CADM2: variants seen among roughly 807,000 people sequenced by gnomAD.
CADM2 encodes the protein immunoglobulin superfamily member 4D.
In CADM2, 12 loss-of-function variants were observed where a neutral mutation model predicts 49.8. The ratio of observed to expected loss-of-function variants is 0.24; its 90% confidence interval spans 0.15 to 0.39. The LOEUF (loss-of-function observed/expected upper bound fraction) is 0.39, where lower values mean the gene tolerates loss of function less well. Among genes scored for constraint, CADM2 ranks in the 10% least tolerant of loss-of-function variants. The pLI, the probability that CADM2 is intolerant of heterozygous loss-of-function variation, is 1.00. For synonymous variants in CADM2, 214 were observed against 175.4 expected, an observed-to-expected ratio of 1.22 and a Z score of -1.74; for missense variants, 378 against 492.3, an observed-to-expected ratio of 0.77 and a Z score of 2.20.
chr3:85,706,534 G>A (rs971212330), intron 1 of CADM2, among the ~76,000 whole-genome samples: 7 of 151,966 alleles, frequency 4.6e-5, no homozygotes, highest in Non-Finnish European at 8.8e-5. Context: ...AATAAAGTTG[G>A]TACCTTTGTA....
intron 8 of CADM2, among the ~76,000 whole-genome samples, chr3:86,062,965 T>C (rs1375864404): frequency 1.3e-5 from 2 of 152,098 alleles, no homozygotes; most frequent in African/African-American, 4.8e-5. Flanking sequence ...AGAACACAAA[T>C]CACTTTGTTT....
intron 1 of CADM2, among the ~76,000 whole-genome samples, chr3:85,307,792 C>G (rs892433573): frequency 2.0e-5 from 3 of 151,458 alleles, no homozygotes; most frequent in African/African-American, 7.3e-5. Flanking sequence ...GATTATTGAG[C>G]TCAAATGAAC....
intron 1 of CADM2, among the ~76,000 whole-genome samples, chr3:85,015,120 T>C (rs751002945): frequency 6.6e-6 from 1 of 152,110 alleles, no homozygotes; most frequent in Non-Finnish European, 1.5e-5. Context: ...TAAGTATATG[T>C]GTGTATATAT....
chr3:85,433,187 A>G (rs562128926), intron 1 of CADM2, among the ~76,000 whole-genome samples: 51 of 152,238 alleles, frequency 3.4e-4, no homozygotes, highest in African/African-American at 1.2e-3. Flanking sequence ...AAAATATTAA[A>G]TATAGAATAT....
intron 6 of CADM2, among the ~76,000 whole-genome samples, chr3:85,932,525 T>A (rs1215654774): frequency 1.3e-5 from 2 of 152,094 alleles, no homozygotes. Context: ...TTCACCCTGA[T>A]CTTAAACATG....
At chr3:85,575,040 T>C (rs776183078) in intron 1 of CADM2, among the ~76,000 whole-genome samples, 1 of 152,078 alleles carries the variant, frequency 6.6e-6, no homozygotes, top group Non-Finnish European at 1.5e-5. Flanking sequence ...TATTTAGGCA[T>C]GTAATAGTTA....
intron 1 of CADM2, among the ~76,000 whole-genome samples, chr3:85,352,294 T>G (rs2031428834): frequency 6.6e-6 from 1 of 152,110 alleles, no homozygotes; most frequent in South Asian, 2.1e-4. Flanking sequence ...ACAAACACAT[T>G]TAGAAAAGGA....
chr3:85,174,428 G>A (rs117614744), intron 1 of CADM2, among the ~76,000 whole-genome samples: 3,204 of 151,644 alleles, frequency 0.021, 103 homozygotes, highest in Admixed American at 0.083. Flanking sequence ...ATTTCCTACC[G>A]CATTAATGTG....
At chr3:85,526,555 G>T (rs951368989) in intron 1 of CADM2, among the ~76,000 whole-genome samples, 9 of 152,158 alleles carry the variant, frequency 5.9e-5, no homozygotes, top group African/African-American at 2.2e-4. Flanking sequence ...TAAAATCCAA[G>T]AATGTATCCC....
rs892430178 is a variant in CADM2, at chr3:86,071,931, CTG to C, written c.*5152_*5153del. The C allele has an allele frequency of 1.3e-5, 2 of 151,806 alleles. No homozygotes were observed. Among genetic ancestry groups the C allele is most frequent in the African/African-American group, 2.4e-5 (1 of 41,372 alleles). 9.4% of individuals were successfully genotyped at this position (151,806 alleles called of 1,614,324 possible). A position where few individuals can be genotyped will look rare whatever the true frequency, so the allele number is the denominator to read the frequency against. ...TGTAACAATTTCTTATAAATTCATG[CTG>C]TGTTTTAAGTAAAAATCATGTATAT... On this transcript the variant is annotated 3_prime_UTR_variant, in exon 10 of 10. Coordinates refer to ENST00000383699, the MANE Select transcript of CADM2 (RefSeq NM_001167675.2).
At chr3:86,023,024 C>T (rs1371789181) in intron 8 of CADM2, among the ~76,000 whole-genome samples, 1 of 152,188 alleles carries the variant, frequency 6.6e-6, no homozygotes, top group South Asian at 2.1e-4. Flanking sequence ...AAAATTATTT[C>T]TCTGGTTGAG....
chr3:85,711,071 A>T (rs1368692543), intron 1 of CADM2, among the ~76,000 whole-genome samples: 2 of 152,144 alleles, frequency 1.3e-5, no homozygotes, highest in Admixed American at 1.3e-4. Flanking sequence ...TTTCATGTAA[A>T]CTGTTGGGAT....
At chr3:85,647,390 G>A (rs2064920268) in intron 1 of CADM2, among the ~76,000 whole-genome samples, 1 of 151,010 alleles carries the variant, frequency 6.6e-6, no homozygotes, top group Non-Finnish European at 1.5e-5. Flanking sequence ...ATTTATACTA[G>A]ATGCCAGGAG....
Position 85,987,340 on chromosome 3 carries a change from A to G in CADM2, c.970+25693A>G, listed in dbSNP as rs564340912. ...ATTTCTTCAGCTTCCATCAATTTAAACAGAAATCTTCATTCTATTAGCTTT... is the reference window on the plus strand; with the variant it reads ...ATTTCTTCAGCTTCCATCAATTTAAGCAGAAATCTTCATTCTATTAGCTTT... On this transcript the variant is annotated intron_variant, in intron 8 of 9. Coordinates refer to ENST00000383699, the MANE Select transcript of CADM2 (RefSeq NM_001167675.2). Among the ~76,000 whole-genome samples the G allele has an allele frequency of 9.9e-5, 15 of 151,960 alleles. No individual in the cohort carries two copies. In the East Asian group the frequency reaches 2.9e-3, roughly 29 times the overall value.
chr3:85,924,053 T>C (rs2108510087), intron 6 of CADM2, among the ~76,000 whole-genome samples: 1 of 152,292 alleles, frequency 6.6e-6, no homozygotes, highest in East Asian at 1.9e-4. Context: ...TTTCTCATAA[T>C]AAAAGAAACA....
intron 1 of CADM2, among the ~76,000 whole-genome samples, chr3:85,478,122 C>T (rs1339059274): frequency 2.0e-5 from 3 of 151,824 alleles, no homozygotes; most frequent in South Asian, 2.1e-4. Context: ...CTAAACCTTA[C>T]GTATATCAGT....
intron 3 of CADM2, among the ~76,000 whole-genome samples, chr3:85,853,550 T>C (rs1220461655): frequency 6.6e-6 from 1 of 152,032 alleles, no homozygotes; most frequent in Non-Finnish European, 1.5e-5. Context: ...GGCCATGACA[T>C]GCATGTTTAC....
intron 3 of CADM2, among the ~76,000 whole-genome samples, chr3:85,859,872 A>G (rs1305106238): frequency 6.6e-6 from 1 of 152,218 alleles, no homozygotes; most frequent in Admixed American, 6.5e-5. Context: ...TTATAAATTA[A>G]TTAAAGAAAT....
At chr3:85,041,440 G>A (rs1219610543) in intron 1 of CADM2, among the ~76,000 whole-genome samples, 1 of 152,176 alleles carries the variant, frequency 6.6e-6, no homozygotes, top group Non-Finnish European at 1.5e-5. Context: ...GAGAAAGACG[G>A]AAGTGGGAGT....
Sources: gnomAD v4.1 joint callset for allele counts (sites outside exome capture counted in the v4.1 genomes callset) on GRCh38, gnomAD v4.1.1 for gene constraint, MANE v1.5 for transcripts, NCBI Gene and HGNC (gene_info 2026-07-23, HGNC 2026-07-21) for gene names.